Variants in NYAP2 observed in about 807,000 individuals in gnomAD.
The protein encoded by NYAP2 is neuronal tyrosine-phosphorylated phosphoinositide-3-kinase adapter 2.
In NYAP2, 23 loss-of-function variants were observed where a neutral mutation model predicts 50.4. The ratio of observed to expected loss-of-function variants is 0.46; its 90% CI spans 0.33 to 0.65. The LOEUF (loss-of-function observed/expected upper bound fraction) is 0.65. Ranked by LOEUF, NYAP2 falls within the 30% of genes least tolerant of loss-of-function variation. NYAP2 has a pLI of 0.02. For synonymous variants in NYAP2, 394 were observed against 365.2 expected, an observed-to-expected ratio of 1.08 and a Z score of -0.90; for missense variants, 885 against 861.0, an observed-to-expected ratio of 1.03 and a Z score of -0.35.
chr2:225,631,940 C>T (rs1401912125), intron 6 of NYAP2, among the ~76,000 whole-genome samples: 1 of 152,120 alleles, frequency 6.6e-6, no homozygotes, highest in Non-Finnish European at 1.5e-5. Context: ...CCCTCAGCCT[C>T]CCGAGTAGCT....
intron 3 of NYAP2, among the ~76,000 whole-genome samples, chr2:225,476,676 T>C (rs1182439225): frequency 6.6e-6 from 1 of 152,168 alleles, no homozygotes; most frequent in Non-Finnish European, 1.5e-5. Flanking sequence ...ATTTCCATTG[T>C]GTAAATACTA....
At chr2:225,661,500 A>G in the NYAP2 span, among the ~76,000 whole-genome samples, 2 of 152,168 alleles carry the variant, frequency 1.3e-5, no homozygotes, top group African/African-American at 4.8e-5. Context: ...AGAATGCTGT[A>G]TTATCTAATG....
chr2:225,488,714 G>A (rs1172148480), intron 3 of NYAP2, among the ~76,000 whole-genome samples: 4 of 152,154 alleles, frequency 2.6e-5, no homozygotes, highest in African/African-American at 9.7e-5. Flanking sequence ...TCCAGCCTTT[G>A]ATAGGATTTT....
intron 4 of NYAP2, among the ~76,000 whole-genome samples, chr2:225,568,172 T>C (rs1377456898): frequency 6.6e-6 from 1 of 152,214 alleles, no homozygotes; most frequent in Non-Finnish European, 1.5e-5. Context: ...GTGTTTTATA[T>C]ATTGCAAAAT....
chr2:225,516,030 A>G (rs558817861), intron 4 of NYAP2, among the ~76,000 whole-genome samples: 1 of 152,306 alleles, frequency 6.6e-6, no homozygotes, highest in Admixed American at 6.5e-5. Context: ...ATACCTCAGA[A>G]TACCTCAGAA....
intron 5 of NYAP2, among the ~76,000 whole-genome samples, chr2:225,586,963 A>G (rs1692399031): frequency 1.3e-5 from 2 of 152,238 alleles, no homozygotes; most frequent in South Asian, 2.1e-4. Context: ...AAAACTTACA[A>G]TCATGATGGA....
intron 3 of NYAP2, among the ~76,000 whole-genome samples, chr2:225,414,137 C>A (rs546667264): frequency 3.5e-4 from 54 of 152,250 alleles, no homozygotes; most frequent in African/African-American, 1.2e-3. Context: ...CCTTATTTTT[C>A]AACTAACTTG....
chr2:225,535,375 AGTT>A (rs1691331592), intron 4 of NYAP2, among the ~76,000 whole-genome samples: 3 of 152,180 alleles, frequency 2.0e-5, no homozygotes, highest in African/African-American at 7.2e-5. Context: ...TCCCAAAGAT[AGTT>A]AGGAGATGTG....
intron 4 of NYAP2, among the ~76,000 whole-genome samples, chr2:225,538,077 T>C (rs1559208327): frequency 6.6e-6 from 1 of 152,198 alleles, no homozygotes; most frequent in Non-Finnish European, 1.5e-5. Context: ...AGCTCCCCTG[T>C]GGCTTTGCAT....
At chr2:225,676,752 A>AT in the NYAP2 span, among the ~76,000 whole-genome samples, 73 of 152,120 alleles carry the variant, frequency 4.8e-4, no homozygotes, top group Admixed American at 2.0e-4. Flanking sequence ...ACAAGATAAG[A>AT]TTTTGTTGGG....
chr2:225,600,827 T>C (rs891789991), intron 5 of NYAP2, among the ~76,000 whole-genome samples: 1 of 152,256 alleles, frequency 6.6e-6, no homozygotes, highest in African/African-American at 2.4e-5. Flanking sequence ...TATCTTTCAG[T>C]TACTGGCTTA....
chr2:225,654,018 CAA>C (rs1202785934), downstream of NYAP2: 27 of 82,054 alleles, frequency 3.3e-4, no homozygotes, highest in African/African-American at 4.4e-4. Context: ...GACTCCATCT[CAA>C]AAAAAAAAAA....
chr2:225,593,817 G>C (rs758295587), intron 5 of NYAP2, among the ~76,000 whole-genome samples: 5 of 152,172 alleles, frequency 3.3e-5, no homozygotes, highest in Non-Finnish European at 7.4e-5. Flanking sequence ...AGCCATATAA[G>C]AAATGTTTGA....
chr2:225,526,121 T>G (rs1377183367), intron 4 of NYAP2, among the ~76,000 whole-genome samples: 1 of 152,230 alleles, frequency 6.6e-6, no homozygotes, highest in Non-Finnish European at 1.5e-5. Context: ...TTATTTGAGC[T>G]TATGGGACCC....
At position 225,407,569 on chromosome 2, in the gene NYAP2, TG is replaced by T. The variant is rs201033412; in HGVS notation, c.-17-1293del. 7.3e-4 allele frequency among the ~76,000 whole-genome samples: 111 copies of T among 152,082 alleles called. 4 individuals are homozygous for T. The East Asian group carries it at 0.021, about 29-fold the overall frequency. The stretch of plus-strand genomic sequence containing the variant: ...ATTTCCATAGTTATTATCCAGGTTT[TG>T]GAACATGACTATACCTGTAAAAAAA... On this transcript the variant is annotated intron_variant, in intron 2 of 6. Coordinates refer to ENST00000636099, the Ensembl canonical transcript of NYAP2.
intron 3 of NYAP2, among the ~76,000 whole-genome samples, chr2:225,508,658 G>C (rs115515773): frequency 0.01 from 1,536 of 152,282 alleles, 25 homozygotes; most frequent in African/African-American, 0.035. Context: ...TCATCAGACT[G>C]TGATGCAGTG....
Position 225,429,263 on chromosome 2 carries a change from A to T in NYAP2, c.221+20162A>T, listed in dbSNP as rs538375099. On this transcript the variant is annotated intron_variant, in intron 3 of 6. Transcript: ENST00000636099. Reference sequence around the variant, plus strand: ...AATCAAATCTGGCAGACCACAAAAGAAACCACAGCAGGATTCCAAATTCAC... The same window carrying T: ...AATCAAATCTGGCAGACCACAAAAGTAACCACAGCAGGATTCCAAATTCAC... Among the ~76,000 whole-genome samples, 8 of 152,336 alleles carry T rather than the reference A, an allele frequency of 5.3e-5. No homozygotes were observed. In the East Asian group the frequency reaches 1.5e-3, roughly 29 times the overall value.
intron 3 of NYAP2, among the ~76,000 whole-genome samples, chr2:225,467,893 A>G (rs1452806850): frequency 1.3e-5 from 2 of 151,880 alleles, no homozygotes; most frequent in Admixed American, 1.3e-4. Flanking sequence ...GCTGGCCACT[A>G]CTCCAAGTCT....
the NYAP2 span, among the ~76,000 whole-genome samples, chr2:225,669,776 G>A: frequency 6.6e-6 from 1 of 152,146 alleles, no homozygotes; most frequent in Non-Finnish European, 1.5e-5. Flanking sequence ...GTGTAATTGT[G>A]TTAGACTTTA....
Sources: allele counts gnomAD v4.1 joint callset (sites outside exome capture counted in the v4.1 genomes callset), GRCh38; gene constraint gnomAD v4.1.1; transcripts MANE v1.5; gene names NCBI Gene and HGNC (gene_info 2026-07-23, HGNC 2026-07-21).